NPAS3: variants seen among roughly 807,000 people sequenced by gnomAD.
NPAS3 encodes the protein neuronal PAS domain-containing protein 3.
In NPAS3, 14 loss-of-function variants were observed where a neutral mutation model predicts 73.1. The ratio of observed to expected loss-of-function variants is 0.19; its 90% CI spans 0.13 to 0.30. NPAS3 has a LOEUF of 0.30. Ranked by LOEUF, NPAS3 falls within the 10% of genes least tolerant of loss-of-function variation. The pLI is 1.00. For synonymous variants in NPAS3, 620 were observed against 541.5 expected (o/e 1.14, Z -2.01); for missense variants, 1,096 against 1,250.0 (o/e 0.88, Z 1.86).
At chr14:33,558,667 T>C (rs1416839974) in intron 4 of NPAS3, among the ~76,000 whole-genome samples, 1 of 151,610 alleles carries the variant, frequency 6.6e-6, no homozygotes, top group Non-Finnish European at 1.5e-5. Flanking sequence ...TAATATACAT[T>C]CCCCCAAAAT....
At chr14:33,726,523 G>T (rs547914233) in intron 6 of NPAS3, among the ~76,000 whole-genome samples, 19 of 152,218 alleles carry the variant, frequency 1.2e-4, no homozygotes, top group African/African-American at 4.3e-4. Flanking sequence ...CCATGACTTG[G>T]TCTCCTCTGA....
chr14:33,588,299 A>C lies in NPAS3; in HGVS notation c.558+28089A>C, dbSNP rs114854559. 1.7e-3 allele frequency among the ~76,000 whole-genome samples: 261 copies of C among 152,252 alleles called. 1 individual carries two copies. The highest frequency in any genetic ancestry group is 5.9e-3 in the African/African-American group (247 of 41,546). On this transcript the variant is annotated intron_variant, in intron 5 of 11. Transcript: ENST00000356141. ...TATGAACATATTGTCTCCAAGACCA[A>C]ACTTCCCTCTGTAATCCTCCCAGAT...
chr14:33,801,927 G>A (rs2063724340), downstream of NPAS3: 2 of 151,836 alleles, frequency 1.3e-5, no homozygotes, highest in South Asian at 4.2e-4. Flanking sequence ...GGTTAGTTAA[G>A]ACAAAGCCCT....
At chr14:33,046,539 T>C (rs1416259428) in intron 1 of NPAS3, among the ~76,000 whole-genome samples, 1 of 152,098 alleles carries the variant, frequency 6.6e-6, no homozygotes. Flanking sequence ...TTTGCCAAGA[T>C]GTAGGAGACA....
At chr14:33,220,881 G>T (rs77697177) in intron 3 of NPAS3, among the ~76,000 whole-genome samples, 1,547 of 152,314 alleles carry the variant, frequency 0.01, 22 homozygotes, top group African/African-American at 0.035. Context: ...GCTCCAGACA[G>T]TGACTTGAAG....
chr14:32,974,224 A>T (rs1044009163), intron 1 of NPAS3, among the ~76,000 whole-genome samples: 1 of 152,200 alleles, frequency 6.6e-6, no homozygotes, highest in African/African-American at 2.4e-5. Flanking sequence ...TATTTAGTTG[A>T]ACACTTAAGA....
chr14:33,707,899 T>C (rs12434404), intron 6 of NPAS3, among the ~76,000 whole-genome samples: 7,289 of 152,148 alleles, frequency 0.048, 286 homozygotes, highest in South Asian at 0.16. Context: ...AGTGAGTCAA[T>C]ATCTGAACCG....
intron 2 of NPAS3, among the ~76,000 whole-genome samples, chr14:33,154,257 G>A (rs866901134): frequency 6.6e-6 from 1 of 152,156 alleles, no homozygotes; most frequent in African/African-American, 2.4e-5. Context: ...TGGCACTACC[G>A]CTGGTTTAAG....
At chr14:33,036,410 C>T (rs1474076911) in intron 1 of NPAS3, among the ~76,000 whole-genome samples, 1 of 152,112 alleles carries the variant, frequency 6.6e-6, no homozygotes, top group Non-Finnish European at 1.5e-5. Context: ...GTTTGGAGCC[C>T]TGTAGGGTTG....
chr14:33,205,383 CT>C, intron 2 of NPAS3, among the ~76,000 whole-genome samples: 1 of 152,036 alleles, frequency 6.6e-6, no homozygotes. Context: ...TGTTTACATA[CT>C]TGGTTATTTT....
At chr14:33,259,002 A>G (rs564378069) in intron 3 of NPAS3, among the ~76,000 whole-genome samples, 1 of 152,186 alleles carries the variant, frequency 6.6e-6, no homozygotes, top group Non-Finnish European at 1.5e-5. Context: ...TTTAGTAGAG[A>G]CGAGGTTTCA....
chr14:33,260,712 A>G (rs1335829092), intron 3 of NPAS3, among the ~76,000 whole-genome samples: 1 of 152,156 alleles, frequency 6.6e-6, no homozygotes, highest in Non-Finnish European at 1.5e-5. Flanking sequence ...TCCTGTCTGT[A>G]CAAACCAAAT....
At chr14:33,007,966 T>C (rs2039055854) in intron 1 of NPAS3, among the ~76,000 whole-genome samples, 1 of 152,184 alleles carries the variant, frequency 6.6e-6, no homozygotes, top group Admixed American at 6.5e-5. Context: ...CTAAATTCAA[T>C]ATTAACTTAG....
intron 1 of NPAS3, among the ~76,000 whole-genome samples, chr14:32,990,244 G>A (rs1160805621): frequency 2.0e-5 from 3 of 152,164 alleles, no homozygotes; most frequent in African/African-American, 2.4e-5. Context: ...TATTTGATAA[G>A]CAAGTGCTTA....
intron 3 of NPAS3, among the ~76,000 whole-genome samples, chr14:33,239,525 T>C (rs1249607710): frequency 6.6e-6 from 1 of 151,890 alleles, no homozygotes; most frequent in Admixed American, 6.6e-5. Context: ...TTTTTATCCA[T>C]CAGTACCAGG....
chr14:33,422,053 A>G (rs1034233922), intron 4 of NPAS3, among the ~76,000 whole-genome samples: 2 of 151,972 alleles, frequency 1.3e-5, no homozygotes, highest in African/African-American at 4.8e-5. Flanking sequence ...GAACTTTCTG[A>G]TAGTTGTCCT....
chr14:33,454,203 G>A (rs931026087), intron 4 of NPAS3, among the ~76,000 whole-genome samples: 2 of 152,130 alleles, frequency 1.3e-5, no homozygotes, highest in African/African-American at 4.8e-5. Flanking sequence ...GCCAGTAAGT[G>A]TATATTAATG....
rs530424734 is a variant in NPAS3, at chr14:33,569,184, C to A, written c.558+8974C>A. Among the ~76,000 whole-genome samples the A allele has an allele frequency of 2.6e-5, 4 of 152,306 alleles. No individual in the cohort carries two copies. The South Asian group carries it at 8.3e-4, about 32-fold the overall frequency. On this transcript the variant is annotated intron_variant, in intron 5 of 11. Transcript: ENST00000356141. ...TTTCAGGCTCCTACAGCTGCAAATT[C>A]ACCACATTCAATAATAAGACAAAAA...
At chr14:33,478,460 C>A (rs7144839) in intron 4 of NPAS3, among the ~76,000 whole-genome samples, 15,394 of 152,160 alleles carry the variant, frequency 0.1, 843 homozygotes, top group Middle Eastern at 0.13. Context: ...CGATAAGCTC[C>A]TGGTAAACAC....
Sources: gnomAD v4.1 joint callset for allele counts (sites outside exome capture counted in the v4.1 genomes callset) on GRCh38, gnomAD v4.1.1 for gene constraint, MANE v1.5 for transcripts, NCBI Gene and HGNC (gene_info 2026-07-23, HGNC 2026-07-21) for gene names.